The following RALYL variants were observed in gnomAD, a reference collection of about 807,000 sequenced individuals.
RALYL encodes RALY RNA binding protein like, also known as RNA-binding Raly-like protein.
A neutral mutation model predicts 35.1 loss-of-function variants in RALYL; 29 were observed. The ratio of observed to expected loss-of-function variants is 0.83; its 90% CI spans 0.61 to 1.13. The LOEUF (loss-of-function observed/expected upper bound fraction) is 1.13. Ranked by LOEUF, RALYL falls within the 50% of genes most tolerant of loss-of-function variation. The pLI, the probability that RALYL is intolerant of heterozygous loss-of-function variation, is 0.00. For missense variants in RALYL, 359 were observed against 360.4 expected, an observed-to-expected ratio of 1.00 and a Z score of 0.03; for synonymous variants, 120 against 127.6, an observed-to-expected ratio of 0.94 and a Z score of 0.40.
At chr8:84,184,644 G>GT (rs1287564423) in intron 1 of RALYL, among the ~76,000 whole-genome samples, 1 of 152,052 alleles carries the variant, frequency 6.6e-6, no homozygotes, top group African/African-American at 2.4e-5. Context: ...GCAAAATACA[G>GT]TCCCCTCCCC....
intron 1 of RALYL, among the ~76,000 whole-genome samples, chr8:84,392,270 A>G (rs1479345525): frequency 6.6e-6 from 1 of 152,084 alleles, no homozygotes. Context: ...GATAAATCCC[A>G]GGGACCTTTA....
At chr8:84,711,656 CAATT>C (rs1316762234) in intron 2 of RALYL, among the ~76,000 whole-genome samples, 1 of 152,092 alleles carries the variant, frequency 6.6e-6, no homozygotes, top group Non-Finnish European at 1.5e-5. Context: ...TTGCCAGTCT[CAATT>C]GATGTGTAAA....
At chr8:84,758,655 TAG>T (rs2133331674) in intron 2 of RALYL, among the ~76,000 whole-genome samples, 1 of 151,968 alleles carries the variant, frequency 6.6e-6, no homozygotes, top group African/African-American at 2.4e-5. Context: ...CTCCCTCAGA[TAG>T]GGGGAGAAAA....
chr8:84,592,305 A>G (rs995765019), intron 2 of RALYL, among the ~76,000 whole-genome samples: 2 of 152,134 alleles, frequency 1.3e-5, no homozygotes, highest in Non-Finnish European at 2.9e-5. Flanking sequence ...TTTTACTTTA[A>G]AAGTTTTAAA....
chr8:84,780,166 C>G (rs187601633), intron 3 of RALYL, among the ~76,000 whole-genome samples: 26 of 152,150 alleles, frequency 1.7e-4, no homozygotes, highest in African/African-American at 6.3e-4. Flanking sequence ...CCTACCCAGC[C>G]AGATGGTTCC....
chr8:84,329,023 T>C (rs1383709458), intron 1 of RALYL, among the ~76,000 whole-genome samples: 2 of 152,194 alleles, frequency 1.3e-5, no homozygotes, highest in African/African-American at 2.4e-5. Context: ...GACACCTAGG[T>C]TGATTCCATG....
At chr8:84,434,398 A>G (rs1028764899) in intron 1 of RALYL, among the ~76,000 whole-genome samples, 3 of 152,170 alleles carry the variant, frequency 2.0e-5, no homozygotes, top group Non-Finnish European at 4.4e-5. Context: ...GTTTTTGTAC[A>G]GATTCTTAGC....
chr8:84,237,976 A>T (rs572387559), intron 1 of RALYL, among the ~76,000 whole-genome samples: 15,138 of 149,892 alleles, frequency 0.1, 1,046 homozygotes, highest in African/African-American at 0.2. Flanking sequence ...ATATGAATCT[A>T]AAAAAAAGAA....
At chr8:84,800,036 C>A (rs1822881454) in intron 3 of RALYL, among the ~76,000 whole-genome samples, 1 of 152,138 alleles carries the variant, frequency 6.6e-6, no homozygotes, top group Non-Finnish European at 1.5e-5. Flanking sequence ...GAGGCATCTA[C>A]AATTAGAGAT....
intron 1 of RALYL, among the ~76,000 whole-genome samples, chr8:84,466,283 C>G (rs2051621393): frequency 7.0e-6 from 1 of 142,348 alleles, no homozygotes; most frequent in Non-Finnish European, 1.5e-5. Context: ...GTGGGTTTGT[C>G]ATAGATAGCT....
chr8:84,788,801 G>A (rs1820135250), intron 3 of RALYL, among the ~76,000 whole-genome samples: 1 of 152,104 alleles, frequency 6.6e-6, no homozygotes, highest in Non-Finnish European at 1.5e-5. Flanking sequence ...CAAGGAGCAG[G>A]ATATGGGGGC....
At chr8:84,463,314 A>G (rs1054000608) in intron 1 of RALYL, among the ~76,000 whole-genome samples, 1 of 152,016 alleles carries the variant, frequency 6.6e-6, no homozygotes, top group African/African-American at 2.4e-5. Flanking sequence ...ATCCTGTATT[A>G]AGCTTTAAAT....
chr8:84,769,502 T>C (rs1377992036), intron 2 of RALYL, among the ~76,000 whole-genome samples: 1 of 152,192 alleles, frequency 6.6e-6, no homozygotes, highest in East Asian at 1.9e-4. Flanking sequence ...CTCACACCTC[T>C]GTAATCCTAG....
At chr8:84,673,432 T>C (rs190270292) in intron 2 of RALYL, among the ~76,000 whole-genome samples, 2 of 152,364 alleles carry the variant, frequency 1.3e-5, no homozygotes, top group East Asian at 3.9e-4. Flanking sequence ...GTCTTTGTCA[T>C]GCAATTTTTG....
chr8:84,826,658 A>G (rs1322424494), intron 4 of RALYL, among the ~76,000 whole-genome samples: 1 of 152,002 alleles, frequency 6.6e-6, no homozygotes, highest in Non-Finnish European at 1.5e-5. Flanking sequence ...GTAAACTACT[A>G]GGACCCTTCA....
At chr8:84,371,601 G>A (rs886375808) in intron 1 of RALYL, among the ~76,000 whole-genome samples, 7 of 146,690 alleles carry the variant, frequency 4.8e-5, no homozygotes, top group Admixed American at 4.7e-4. Flanking sequence ...AAGGGGGCAG[G>A]AAAATTTTAC....
chr8:84,464,291 G>A lies in RALYL; in HGVS notation c.-23-65008G>A, dbSNP rs183897929. Among the ~76,000 whole-genome samples, 1,398 of 151,230 alleles carry A rather than the reference G, an allele frequency of 9.2e-3. 19 individuals are homozygous for A. The highest frequency in any genetic ancestry group is 0.03 in the African/African-American group (1,246 of 41,204). On this transcript the variant is annotated intron_variant, in intron 1 of 8. Transcript: ENST00000521268. Reference sequence around the variant, plus strand: ...TATCTCCCAATGCTATCCCTCCCCCGTACCCCTACCCCACAACAGTCCCCA... The same window carrying A: ...TATCTCCCAATGCTATCCCTCCCCCATACCCCTACCCCACAACAGTCCCCA...
At chr8:84,305,729 T>C (rs183297148) in intron 1 of RALYL, among the ~76,000 whole-genome samples, 1 of 152,180 alleles carries the variant, frequency 6.6e-6, no homozygotes, top group Non-Finnish European at 1.5e-5. Flanking sequence ...TGGTTGGTAA[T>C]TGAATATAAT....
At chr8:84,896,874 G>T (rs914760018) in intron 8 of RALYL, among the ~76,000 whole-genome samples, 1 of 152,122 alleles carries the variant, frequency 6.6e-6, no homozygotes, top group African/African-American at 2.4e-5. Flanking sequence ...TAGAGATAGG[G>T]TCTCCAGATT....
Sources: gnomAD v4.1 joint callset for allele counts (sites outside exome capture counted in the v4.1 genomes callset) on GRCh38, gnomAD v4.1.1 for gene constraint, MANE v1.5 for transcripts, NCBI Gene and HGNC (gene_info 2026-07-23, HGNC 2026-07-21) for gene names.